The following ULK4 variants were observed in gnomAD, a reference collection of about 807,000 sequenced individuals.
ULK4 encodes inactive serine/threonine-protein kinase ULK4.
A neutral mutation model predicts 160.6 loss-of-function variants in ULK4; 133 were observed. The ratio of observed to expected loss-of-function variants is 0.83; its 90% confidence interval spans 0.72 to 0.96. The LOEUF is 0.96. Ranked by LOEUF, ULK4 falls within the 40% of genes least tolerant of loss-of-function variation. The pLI, the probability that ULK4 is intolerant of heterozygous loss-of-function variation, is 0.00. For missense variants in ULK4, 1,580 were observed against 1,499.5 expected (o/e 1.05, Z -0.89); for synonymous variants, 534 against 539.8 (o/e 0.99, Z 0.15).
chr3:41,359,620 A>G (rs779104816), intron 35 of ULK4, among the ~76,000 whole-genome samples: 3 of 152,246 alleles, frequency 2.0e-5, no homozygotes, highest in Non-Finnish European at 4.4e-5. Context: ...ACAGATGCTC[A>G]GCTAGCTGGA....
chr3:41,664,102 A>G (rs1166434783), intron 29 of ULK4, among the ~76,000 whole-genome samples: 5 of 152,228 alleles, frequency 3.3e-5, no homozygotes, highest in Non-Finnish European at 5.9e-5. Context: ...TCACTTTCCA[A>G]CGCTGATAAT....
intron 34 of ULK4, among the ~76,000 whole-genome samples, chr3:41,426,503 T>G (rs1316602369): frequency 1.3e-5 from 2 of 152,116 alleles, no homozygotes; most frequent in African/African-American, 4.8e-5. Context: ...TACTCTAAAG[T>G]TGATCACATA....
chr3:41,297,962 C>T lies in ULK4; in HGVS notation c.3679-48388G>A, dbSNP rs147803089. Among the ~76,000 whole-genome samples, 554 of 152,336 alleles carry T rather than the reference C, an allele frequency of 3.6e-3. 1 individual carries two copies. The highest frequency in any genetic ancestry group is 0.012 in the African/African-American group (505 of 41,580). ...TATAGGTCAAAGGCCTAACACAAGTCAGTAAGTCCTTAGTCAACAACTGAC... is the reference window on the plus strand; with the variant it reads ...TATAGGTCAAAGGCCTAACACAAGTTAGTAAGTCCTTAGTCAACAACTGAC... On this transcript the variant is annotated intron_variant, in intron 35 of 36. Coordinates refer to ENST00000301831, the MANE Select transcript of ULK4 (RefSeq NM_017886.4).
Position 41,663,845 on chromosome 3 carries a change from G to A in ULK4, c.2979-146C>T, listed in dbSNP as rs1343086663. The A allele has an allele frequency of 1.7e-5, 11 of 641,838 alleles. No homozygotes were observed. In the East Asian group the frequency reaches 3.1e-4, roughly 18 times the overall value. 39.8% of individuals were successfully genotyped at this position (641,838 alleles called of 1,614,324 possible). A position where few individuals can be genotyped will look rare whatever the true frequency, so the allele number is the denominator to read the frequency against. On this transcript the variant is annotated intron_variant, in intron 29 of 36. Coordinates refer to ENST00000301831, the MANE Select transcript of ULK4 (RefSeq NM_017886.4). ...AAGATTTAAGTAATTTACCTCTCAT[G>A]TGCCCCTTCTCAGAAAGTTACTGGC...
chr3:41,774,069 A>T (rs2039511378), intron 21 of ULK4, among the ~76,000 whole-genome samples: 1 of 152,202 alleles, frequency 6.6e-6, no homozygotes, highest in African/African-American at 2.4e-5. Context: ...ACAAAAATCA[A>T]TTCAAGATGG....
intron 29 of ULK4, among the ~76,000 whole-genome samples, chr3:41,679,737 C>T (rs2035859053): frequency 6.6e-6 from 1 of 152,186 alleles, no homozygotes; most frequent in Non-Finnish European, 1.5e-5. Flanking sequence ...ATTAACAGAG[C>T]TTTAAAAAAG....
chr3:41,764,557 C>T (rs192218354), intron 21 of ULK4, among the ~76,000 whole-genome samples: 24 of 152,224 alleles, frequency 1.6e-4, no homozygotes, highest in Admixed American at 4.6e-4. Flanking sequence ...AGAGCAAGAC[C>T]CTGTCTCTAC....
At chr3:41,911,467 G>A in intron 10 of ULK4, 74 bp downstream of exon 10, 5 of 1,584,994 alleles carry the variant, frequency 3.2e-6, no homozygotes, top group Non-Finnish European at 3.5e-6. Context: ...AGATTTAAAG[G>A]GACATAACAC....
intron 31 of ULK4, among the ~76,000 whole-genome samples, chr3:41,568,187 C>T (rs1399373373): frequency 6.6e-6 from 1 of 152,074 alleles, no homozygotes; most frequent in African/African-American, 2.4e-5. Context: ...TTACCTTGTA[C>T]CAGGAGGAGA....
At chr3:41,911,449 G>A (rs1479468019) in intron 10 of ULK4, 63 bp from the exon 11 acceptor site, 8 of 1,589,868 alleles carry the variant, frequency 5.0e-6, no homozygotes, top group Admixed American at 3.3e-5. Context: ...AAGGCATAAC[G>A]TACACAAAGA....
chr3:41,284,131 G>A (rs939627202), intron 35 of ULK4, among the ~76,000 whole-genome samples: 1 of 152,078 alleles, frequency 6.6e-6, no homozygotes, highest in Non-Finnish European at 1.5e-5. Flanking sequence ...ATCCATCAAT[G>A]TGTCAATTTC....
At chr3:41,419,865 C>G (rs1362518257) in intron 34 of ULK4, among the ~76,000 whole-genome samples, 1 of 151,778 alleles carries the variant, frequency 6.6e-6, no homozygotes, top group African/African-American at 2.4e-5. Flanking sequence ...GCCAGGGGTG[C>G]TGCGGGGTTT....
chr3:41,844,003 C>G (rs985760932), intron 17 of ULK4, among the ~76,000 whole-genome samples: 1 of 152,180 alleles, frequency 6.6e-6, no homozygotes, highest in East Asian at 1.9e-4. Context: ...CATTCACAAA[C>G]CCTGAGTTAG....
chr3:41,408,580 T>C (rs1287116787), intron 34 of ULK4, among the ~76,000 whole-genome samples: 2 of 152,140 alleles, frequency 1.3e-5, no homozygotes, highest in Admixed American at 1.3e-4. Context: ...AAAATTATAG[T>C]TGTCTTGTTT....
chr3:41,731,676 GAAA>G (rs371556781), intron 22 of ULK4, among the ~76,000 whole-genome samples: 2 of 120,088 alleles, frequency 1.7e-5, no homozygotes. Flanking sequence ...AATTTTGGGG[GAAA>G]AAAAAAAAAA....
chr3:41,513,520 C>A (rs903779684), intron 32 of ULK4, among the ~76,000 whole-genome samples: 1 of 152,170 alleles, frequency 6.6e-6, no homozygotes, highest in African/African-American at 2.4e-5. Context: ...GTAGTCCCAG[C>A]TACTTGGGAG....
rs765884864 is a variant in ULK4, at chr3:41,715,478, A to C, written c.2546T>G (p.Met849Arg). The change falls in exon 24 of 37, where the codon ATG becomes AGG. Residue 849 changes from methionine to arginine, a missense_variant. Transcript: ENST00000301831. ...VKQLKLCLPL[M>R]PVVLHLVTSQ... Reference sequence around the variant, plus strand: ...AGTTACGAGGTGAAGCACTACAGGCATCAGGGGGAGACACAACTTCAGCTG... The same window carrying C: ...AGTTACGAGGTGAAGCACTACAGGCCTCAGGGGGAGACACAACTTCAGCTG... The C allele has an allele frequency of 1.9e-6, 3 of 1,614,158 alleles. No homozygotes were observed. The highest frequency in any genetic ancestry group is 1.7e-5 in the Admixed American group (1 of 60,018).
intron 35 of ULK4, among the ~76,000 whole-genome samples, chr3:41,341,011 T>A (rs2080670772): frequency 6.6e-6 from 1 of 152,192 alleles, no homozygotes; most frequent in Non-Finnish European, 1.5e-5. Flanking sequence ...GGTAAGAGAA[T>A]GACTCCCAAG....
At chr3:41,860,544 C>T (rs551921919) in intron 17 of ULK4, among the ~76,000 whole-genome samples, 6 of 152,186 alleles carry the variant, frequency 3.9e-5, no homozygotes, top group South Asian at 4.2e-4. Context: ...TAACTACTCC[C>T]GCTCTTTTTT....
Sources: gnomAD v4.1 joint callset for allele counts (sites outside exome capture counted in the v4.1 genomes callset) on GRCh38, gnomAD v4.1.1 for gene constraint, MANE v1.5 for transcripts, NCBI Gene and HGNC (gene_info 2026-07-23, HGNC 2026-07-21) for gene names.